BAIAP2L1: variants seen among roughly 807,000 people sequenced by gnomAD.
The protein encoded by BAIAP2L1 is BAR/IMD domain-containing adapter protein 2-like 1.
A neutral mutation model predicts 66.3 loss-of-function variants in BAIAP2L1; 35 were observed. The observed-to-expected ratio is 0.53, with a 90% CI of 0.40 to 0.70. BAIAP2L1 has a LOEUF of 0.70. Ranked by LOEUF, BAIAP2L1 falls within the 30% of genes least tolerant of loss-of-function variation. The probability of loss-of-function intolerance (pLI) is 0.00; values close to 1 mark genes in which losing one functional copy is unlikely to be tolerated. For missense variants in BAIAP2L1, 622 were observed against 656.9 expected, an observed-to-expected ratio of 0.95 and a Z score of 0.58; for synonymous variants, 269 against 248.7, an observed-to-expected ratio of 1.08 and a Z score of -0.77.
intron 1 of BAIAP2L1, among the ~76,000 whole-genome samples, chr7:98,381,215 C>G (rs544346204): frequency 6.6e-6 from 1 of 152,268 alleles, no homozygotes; most frequent in South Asian, 2.1e-4. Flanking sequence ...AAATGTTTTT[C>G]CAGGCAAAAG....
chr7:98,379,861 CT>C (rs1219588801), intron 1 of BAIAP2L1, among the ~76,000 whole-genome samples: 10 of 152,136 alleles, frequency 6.6e-5, no homozygotes, highest in African/African-American at 2.4e-4. Context: ...AAAGACAAAT[CT>C]GTAGAGACAG....
intron 3 of BAIAP2L1, among the ~76,000 whole-genome samples, chr7:98,335,286 C>T (rs1801591468): frequency 6.7e-6 from 1 of 149,274 alleles, no homozygotes; most frequent in African/African-American, 2.5e-5. Context: ...TTTCCACTTC[C>T]AACGCTGACC....
intron 7 of BAIAP2L1, among the ~76,000 whole-genome samples, chr7:98,312,695 G>A (rs930950968): frequency 4.6e-5 from 7 of 152,178 alleles, no homozygotes; most frequent in East Asian, 3.9e-4. Context: ...GACTCTGACC[G>A]ATTCAGACAT....
intron 5 of BAIAP2L1, 96 bp downstream of exon 5, chr7:98,319,962 G>GTC: frequency 2.1e-6 from 2 of 968,290 alleles, no homozygotes; most frequent in East Asian, 4.8e-5. Flanking sequence ...CTTCTCTCCT[G>GTC]TCTGCTGCTG....
intron 1 of BAIAP2L1, chr7:98,386,615 C>T (rs1183484749): frequency 6.6e-7 from 1 of 1,509,058 alleles, no homozygotes; most frequent in Non-Finnish European, 8.9e-7. Context: ...AAGCAGGAAT[C>T]AACATTTCTA....
intron 12 of BAIAP2L1, among the ~76,000 whole-genome samples, chr7:98,297,578 G>A (rs1358422452): frequency 1.3e-5 from 2 of 152,212 alleles, no homozygotes; most frequent in Non-Finnish European, 2.9e-5. Context: ...CCTGTCTTCA[G>A]TGTGAAAACC....
At chr7:98,370,659 G>A (rs1246007651) in intron 1 of BAIAP2L1, among the ~76,000 whole-genome samples, 3 of 151,842 alleles carry the variant, frequency 2.0e-5, no homozygotes, top group Non-Finnish European at 4.4e-5. Context: ...CCGCCACCAT[G>A]CCCAGCTAAT....
At chr7:98,327,178 T>G (rs943037159) in intron 3 of BAIAP2L1, among the ~76,000 whole-genome samples, 1 of 151,824 alleles carries the variant, frequency 6.6e-6, no homozygotes, top group African/African-American at 2.4e-5. Flanking sequence ...CTGGCCAATA[T>G]GATGAAACCC....
In BAIAP2L1 at chr7:98,345,676, G is replaced by A. The variant is rs561378017; in HGVS notation, c.214+9366C>T. Among the ~76,000 whole-genome samples, 6 of 151,754 alleles carry A rather than the reference G, an allele frequency of 4.0e-5. No individual in the cohort carries two copies. The South Asian group carries it at 1.2e-3, about 32-fold the overall frequency. On this transcript the variant is annotated intron_variant, in intron 3 of 13. Transcript: ENST00000005260. ...GGAGGCAGAGATTGCAGTGAGCCGA[G>A]ATCGCACCACTGCACTCCAGCCTAA... is the stretch of plus-strand genomic sequence containing the variant.
chr7:98,395,042 CAAG>C (rs1430746598), intron 1 of BAIAP2L1, among the ~76,000 whole-genome samples: 4 of 149,104 alleles, frequency 2.7e-5, no homozygotes, highest in Non-Finnish European at 6.0e-5. Context: ...ACCCGGGAGG[CAAG>C]GGTTGTAATG....
chr7:98,398,086 CAA>C (rs529128394), intron 1 of BAIAP2L1, among the ~76,000 whole-genome samples: 1 of 151,970 alleles, frequency 6.6e-6, no homozygotes, highest in Non-Finnish European at 1.5e-5. Context: ...TATTTAAAAA[CAA>C]AAAACTAAAA....
At position 98,304,377 on chromosome 7, in the gene BAIAP2L1, C is replaced by T. The variant is rs1298508954; in HGVS notation, c.1242-1G>A. 1.2e-6 allele frequency: 2 copies of T among 1,612,978 alleles called. No homozygotes were observed. The highest frequency in any genetic ancestry group is 1.7e-6 in the Non-Finnish European group (2 of 1,179,560). On this transcript the variant is annotated splice_acceptor_variant, in intron 11 of 13. Transcript: ENST00000005260. LOFTEE classifies it high-confidence loss of function. ...GCTGATGCTTCTCACTGGTGTGGGGCTCAAACCCAAAAAGGACACAGCACG... is the reference window on the plus strand; with the variant it reads ...GCTGATGCTTCTCACTGGTGTGGGGTTCAAACCCAAAAAGGACACAGCACG...
intron 5 of BAIAP2L1, 81 bp from the exon 6 acceptor site, chr7:98,317,437 T>TGTGAGTAAA (rs1801108837): frequency 1.9e-6 from 3 of 1,544,384 alleles, no homozygotes; most frequent in Middle Eastern, 3.5e-4. Context: ...ACACTTCCAC[T>TGTGAGTAAA]GTGTGTGGCT....
chr7:98,400,898 C>T lies in BAIAP2L1; in HGVS notation c.-46G>A, dbSNP rs1327852919. The stretch of plus-strand genomic sequence containing the variant: ...CAAGCGCGGGAGGACGCGGCTGGGC[C>T]TCGTGGCCGCCGGACTCCGGGCAGC... On this transcript the variant is annotated 5_prime_UTR_variant, in exon 1 of 14. Coordinates refer to ENST00000005260, the MANE Select transcript of BAIAP2L1 (RefSeq NM_018842.5). The T allele has an allele frequency of 6.7e-7, 1 of 1,503,078 alleles. No homozygotes were observed. The highest frequency in any genetic ancestry group is 8.9e-7 in the Non-Finnish European group (1 of 1,127,050). The allele number at this position is 1,503,078 out of a possible 1,614,324, so 93.1% of individuals were successfully genotyped here.
intron 1 of BAIAP2L1, chr7:98,386,706 T>G: frequency 2.6e-6 from 2 of 772,642 alleles, no homozygotes; most frequent in East Asian, 5.5e-5. Flanking sequence ...TTTTTTTTTT[T>G]TTTTTTTTTT....
Position 98,312,267 on chromosome 7 carries a change from G to A in BAIAP2L1, c.640-3C>T, listed in dbSNP as rs118011886. On this transcript the variant is annotated splice_region_variant and splice_polypyrimidine_tract_variant and intron_variant, in intron 7 of 13. Transcript: ENST00000005260. Reference sequence around the variant, plus strand: ...TTGGAATTCAGTAGTTCTGCAGACTGCAAAGCCAAAAGAAGAAGACTAAAG... The same window carrying A: ...TTGGAATTCAGTAGTTCTGCAGACTACAAAGCCAAAAGAAGAAGACTAAAG... The A allele has an allele frequency of 4.4e-3, 7,035 of 1,598,594 alleles. 22 individuals are homozygous for A. The highest frequency in any genetic ancestry group is 5.5e-3 in the Non-Finnish European group (6,477 of 1,174,972).
intron 3 of BAIAP2L1, among the ~76,000 whole-genome samples, chr7:98,336,118 G>A (rs913789345): frequency 6.6e-6 from 1 of 151,420 alleles, no homozygotes; most frequent in Admixed American, 6.6e-5. Flanking sequence ...CATAAAGATG[G>A]GAACAACAGA....
intron 5 of BAIAP2L1, among the ~76,000 whole-genome samples, chr7:98,318,638 G>A (rs140266690): frequency 1.3e-5 from 2 of 151,746 alleles, no homozygotes; most frequent in African/African-American, 4.8e-5. Context: ...CCTATAATCT[G>A]TGAAGTGCAG....
chr7:98,368,014 C>T (rs1040457201), intron 1 of BAIAP2L1, among the ~76,000 whole-genome samples: 3 of 152,182 alleles, frequency 2.0e-5, no homozygotes, highest in Non-Finnish European at 4.4e-5. Flanking sequence ...CACTAACACA[C>T]ACGCCTCTTT....
Sources: gnomAD v4.1 joint callset for allele counts (sites outside exome capture counted in the v4.1 genomes callset) on GRCh38, gnomAD v4.1.1 for gene constraint, MANE v1.5 for transcripts, NCBI Gene and HGNC (gene_info 2026-07-23, HGNC 2026-07-21) for gene names.